The following CALB2 variants were observed in gnomAD, a reference collection of about 807,000 sequenced individuals.
CALB2 encodes calbindin 2.
A neutral mutation model predicts 45.9 loss-of-function variants in CALB2; 34 were observed. That is an observed-to-expected ratio of 0.74 (90% CI 0.56 to 0.99). The LOEUF (loss-of-function observed/expected upper bound fraction) is 0.99, where lower values mean the gene tolerates loss of function less well. CALB2 is among the 50% of genes least tolerant of loss of function. CALB2 has a pLI of 0.00. For missense variants in CALB2, 344 were observed against 339.3 expected (o/e 1.01, Z -0.11); for synonymous variants, 142 against 129.6 (o/e 1.10, Z -0.65).
chr16:71,388,009 T>C (rs2042589438), intron 10 of CALB2, among the ~76,000 whole-genome samples: 2 of 152,090 alleles, frequency 1.3e-5, no homozygotes, highest in Non-Finnish European at 2.9e-5. Flanking sequence ...AGTGAAATCA[T>C]TAGACTTCAG....
At chr16:71,382,139 A>AGAAGGAAGTAAGGAAAAG (rs2042503659) in intron 4 of CALB2, among the ~76,000 whole-genome samples, 1 of 64,698 alleles carries the variant, frequency 1.5e-5, no homozygotes, top group Non-Finnish European at 2.7e-5. Context: ...AAGGAAGGAA[A>AGAAGGAAGTAAGGAAAAG]GAAGGAAGGA....
In CALB2 at chr16:71,384,813, G is replaced by C. The variant is rs753326495; in HGVS notation, c.604G>C (p.Ala202Pro). ...GMKLTSEEFN[A>P]IFTFYDKDRS... is the part of the protein sequence containing the mutation. ...GAAGCTGACCTCAGAGGAGTTTAAC[G>C]CGATCTTCACATTTTACGACAAGGT... Residue 202 changes from alanine to proline, a missense_variant, in exon 9 of 11, where the codon GCG becomes CCG. Physicochemically the swap from Ala to Pro is conservative, Grantham distance 27. Transcript: ENST00000302628. 6.2e-7 allele frequency: 1 copy of C among 1,607,152 alleles called. No individual in the cohort carries two copies. Among genetic ancestry groups the C allele is most frequent in the Non-Finnish European group, 8.5e-7 (1 of 1,176,912 alleles).
chr16:71,365,389 G>C (rs932079847), intron 1 of CALB2, among the ~76,000 whole-genome samples: 1 of 152,112 alleles, frequency 6.6e-6, no homozygotes, highest in African/African-American at 2.4e-5. Flanking sequence ...TGTGCTGAAG[G>C]GCTGCTTAGA....
At chr16:71,385,395 G>A in intron 9 of CALB2, 182 bp from the exon 10 acceptor site, 1 of 489,930 alleles carries the variant, frequency 2.0e-6, no homozygotes, top group African/African-American at 1.9e-5. Context: ...TGCACCCACT[G>A]CCACCTTCCT....
At chr16:71,376,409 CA>C (rs1268702028) in intron 3 of CALB2, among the ~76,000 whole-genome samples, 11 of 152,216 alleles carry the variant, frequency 7.2e-5, no homozygotes, top group African/African-American at 2.7e-4. Context: ...TCTCTGCCCT[CA>C]AAATACCTTC....
intron 9 of CALB2, 89 bp downstream of exon 9, chr16:71,384,925 T>G: frequency 8.8e-7 from 1 of 1,132,466 alleles, no homozygotes; most frequent in South Asian, 1.3e-5. Flanking sequence ...AAGAGACAGC[T>G]TTCCAGGGGT....
chr16:71,360,086 CA>C (rs2042224046), intron 1 of CALB2, among the ~76,000 whole-genome samples: 1 of 152,220 alleles, frequency 6.6e-6, no homozygotes, highest in South Asian at 2.1e-4. Flanking sequence ...TGTGGGATGA[CA>C]GGGAGTTTAT....
intron 1 of CALB2, among the ~76,000 whole-genome samples, chr16:71,365,496 C>T (rs1014077517): frequency 2.0e-5 from 3 of 152,154 alleles, no homozygotes; most frequent in African/African-American, 7.2e-5. Context: ...ATATGTCTGG[C>T]CTAGACCAAA....
At chr16:71,378,228 AAAAG>A (rs912998104) in intron 4 of CALB2, among the ~76,000 whole-genome samples, 105 of 152,156 alleles carry the variant, frequency 6.9e-4, no homozygotes, top group Middle Eastern at 3.4e-3. Context: ...CCGTCTCAAA[AAAAG>A]AAAGAAAGAA....
At chr16:71,377,646 T>A in intron 3 of CALB2, 21 bp from the exon 4 acceptor site, 1 of 1,587,880 alleles carries the variant, frequency 6.3e-7, no homozygotes, top group African/African-American at 1.3e-5. Flanking sequence ...AACGTTAGTG[T>A]CGCTCTCTGT....
chr16:71,384,468 C>G, intron 8 of CALB2, 90 bp downstream of exon 8: 1 of 1,006,722 alleles, frequency 9.9e-7, no homozygotes, highest in Non-Finnish European at 1.6e-6. Flanking sequence ...ACACACAACA[C>G]ACTACACACA....
chr16:71,378,753 C>T (rs1320421222), intron 4 of CALB2, among the ~76,000 whole-genome samples: 2 of 152,144 alleles, frequency 1.3e-5, no homozygotes, highest in African/African-American at 4.8e-5. Flanking sequence ...ATCACAGGCT[C>T]TGAGAAATCA....
chr16:71,377,275 C>T (rs1322222450), intron 3 of CALB2, among the ~76,000 whole-genome samples: 1 of 152,172 alleles, frequency 6.6e-6, no homozygotes, highest in African/African-American at 2.4e-5. Flanking sequence ...TCTATTACCC[C>T]CTCCAAAAGG....
intron 1 of CALB2, among the ~76,000 whole-genome samples, chr16:71,368,493 G>C (rs1264715733): frequency 6.6e-6 from 1 of 151,350 alleles, no homozygotes; most frequent in Non-Finnish European, 1.5e-5. Flanking sequence ...GAGTGACAGA[G>C]CAGACCCTGT....
intron 2 of CALB2, among the ~76,000 whole-genome samples, chr16:71,372,592 G>A (rs2144969429): frequency 6.6e-6 from 1 of 152,280 alleles, no homozygotes; most frequent in South Asian, 2.1e-4. Context: ...TGGATGCCCA[G>A]GAGGTTTCAA....
Position 71,389,919 on chromosome 16 carries a change from T to C in CALB2, c.*54T>C. 1 of 1,265,078 alleles carries C rather than the reference T, an allele frequency of 7.9e-7. No homozygotes were observed. Among genetic ancestry groups the C allele is most frequent in the Non-Finnish European group, 1.2e-6 (1 of 869,480 alleles). 78.4% of individuals were successfully genotyped at this position (1,265,078 alleles called of 1,614,324 possible). ...CCCCCAAACCCTGCTTCTGCTGCCC[T>C]GATGCGTCTACCCAGACTCAGAGAC... is the stretch of plus-strand genomic sequence containing the variant. On this transcript the variant is annotated 3_prime_UTR_variant, in exon 11 of 11. Coordinates refer to ENST00000302628, the MANE Select transcript of CALB2 (RefSeq NM_001740.5).
chr16:71,386,286 G>A (rs1386078966), intron 10 of CALB2, among the ~76,000 whole-genome samples: 4 of 152,190 alleles, frequency 2.6e-5, no homozygotes, highest in African/African-American at 7.2e-5. Context: ...CTGTTGTGGG[G>A]GATGCTGCTG....
chr16:71,365,876 C>T (rs1473590055), intron 1 of CALB2, among the ~76,000 whole-genome samples: 1 of 151,834 alleles, frequency 6.6e-6, no homozygotes, highest in Non-Finnish European at 1.5e-5. Flanking sequence ...ACACCCCCTT[C>T]CCCCCATCCA....
intron 1 of CALB2, among the ~76,000 whole-genome samples, chr16:71,367,355 A>G (rs1205388992): frequency 2.0e-5 from 3 of 152,056 alleles, no homozygotes; most frequent in African/African-American, 7.2e-5. Flanking sequence ...CAGTCACCCC[A>G]CCCGCTGCAA....
Sources: allele counts gnomAD v4.1 joint callset (sites outside exome capture counted in the v4.1 genomes callset), GRCh38; gene constraint gnomAD v4.1.1; transcripts MANE v1.5; gene names NCBI Gene and HGNC (gene_info 2026-07-23, HGNC 2026-07-21).